The following DLG5 variants were observed in gnomAD, a reference collection of about 807,000 sequenced individuals.
The protein encoded by DLG5 is discs large MAGUK scaffold protein 5.
In DLG5, 48 loss-of-function variants were observed where a neutral mutation model predicts 189.8. The observed-to-expected ratio is 0.25, with a 90% CI of 0.20 to 0.32. The LOEUF (loss-of-function observed/expected upper bound fraction) is 0.32, where lower values mean the gene tolerates loss of function less well. Among genes scored for constraint, DLG5 ranks in the 10% least tolerant of loss-of-function variants. The pLI is 1.00. For missense variants in DLG5, 2,160 were observed against 2,544.7 expected (o/e 0.85, Z 3.25); for synonymous variants, 1,016 against 1,054.1 (o/e 0.96, Z 0.70).
chr10:77,840,303 C>G (rs1843356856), intron 7 of DLG5, among the ~76,000 whole-genome samples: 1 of 152,016 alleles, frequency 6.6e-6, no homozygotes, highest in South Asian at 2.1e-4. Flanking sequence ...CACTTGAGCC[C>G]AAGAGGTCGA....
At chr10:77,851,602 G>A (rs755292669) in intron 5 of DLG5, among the ~76,000 whole-genome samples, 7 of 152,112 alleles carry the variant, frequency 4.6e-5, no homozygotes, top group Admixed American at 3.9e-4. Flanking sequence ...GACCTCACAC[G>A]ACCAATTCCC....
At position 77,833,799 on chromosome 10, in the gene DLG5, G is replaced by A. The variant is rs553904152; in HGVS notation, c.1748+115C>T. 32 of 1,453,178 alleles carry A rather than the reference G, an allele frequency of 2.2e-5. 1 individual carries two copies. The Middle Eastern group carries it at 7.6e-4, about 34-fold the overall frequency. 90.0% of individuals were successfully genotyped at this position (1,453,178 alleles called of 1,614,324 possible). On this transcript the variant is annotated intron_variant, in intron 9 of 31. Coordinates refer to ENST00000372391, the MANE Select transcript of DLG5 (RefSeq NM_004747.4). ...AAGTGAAGGGACAAACAGCCAGCTC[G>A]ACGCAGAAGGATGAGGCCCTGGCCA...
chr10:77,890,954 G>C (rs1251660679), intron 1 of DLG5, among the ~76,000 whole-genome samples: 1 of 152,110 alleles, frequency 6.6e-6, no homozygotes, highest in Non-Finnish European at 1.5e-5. Flanking sequence ...CCACACTTCT[G>C]GCCAGACTAT....
intron 1 of DLG5, among the ~76,000 whole-genome samples, chr10:77,902,432 A>G (rs1845952441): frequency 6.6e-6 from 1 of 152,240 alleles, no homozygotes; most frequent in Non-Finnish European, 1.5e-5. Context: ...ATAAAGAAGC[A>G]TACAAAGATC....
intron 1 of DLG5, among the ~76,000 whole-genome samples, chr10:77,872,597 G>A (rs1844944216): frequency 6.6e-6 from 1 of 152,092 alleles, no homozygotes; most frequent in African/African-American, 2.4e-5. Context: ...TCATTAAGGG[G>A]GAAAAAAGGC....
chr10:77,857,704 C>A (rs1844302705), intron 2 of DLG5, among the ~76,000 whole-genome samples: 1 of 152,228 alleles, frequency 6.6e-6, no homozygotes, highest in Non-Finnish European at 1.5e-5. Context: ...AGGAAGAAAG[C>A]ACCTCATCCC....
chr10:77,819,129 T>C (rs933430800), intron 17 of DLG5, among the ~76,000 whole-genome samples, 192 bp downstream of exon 17: 2 of 152,188 alleles, frequency 1.3e-5, no homozygotes, highest in Non-Finnish European at 2.9e-5. Flanking sequence ...TTCCAGTACC[T>C]TTTGAAACCT....
intron 27 of DLG5, among the ~76,000 whole-genome samples, chr10:77,799,322 G>C (rs1841084844): frequency 6.6e-6 from 1 of 152,210 alleles, no homozygotes; most frequent in South Asian, 2.1e-4. Context: ...CTAAGCCCCA[G>C]TGTGACTACC....
chr10:77,846,974 G>T (rs1360600223), intron 5 of DLG5, among the ~76,000 whole-genome samples: 1 of 152,124 alleles, frequency 6.6e-6, no homozygotes, highest in East Asian at 1.9e-4. Context: ...CTCCACAAGT[G>T]CTCGGCAGAA....
intron 3 of DLG5, among the ~76,000 whole-genome samples, chr10:77,855,735 C>T (rs1331562515): frequency 1.3e-5 from 2 of 152,222 alleles, no homozygotes; most frequent in Non-Finnish European, 2.9e-5. Flanking sequence ...GGCTCTGCAG[C>T]TCTGGCATAA....
intron 2 of DLG5, chr10:77,866,936 C>T (rs569650548): frequency 2.7e-4 from 121 of 456,264 alleles, no homozygotes; most frequent in Admixed American, 1.0e-3. Context: ...AGAGGCTTTG[C>T]CCAGAAGGGA....
intron 13 of DLG5, among the ~76,000 whole-genome samples, chr10:77,826,610 C>T (rs1842651551): frequency 6.6e-6 from 1 of 152,032 alleles, no homozygotes; most frequent in South Asian, 2.1e-4. Flanking sequence ...GCCTGGGCAA[C>T]AGAGTGAGGC....
chr10:77,917,049 T>C (rs1244491899), intron 1 of DLG5, among the ~76,000 whole-genome samples: 1 of 151,830 alleles, frequency 6.6e-6, no homozygotes, highest in Non-Finnish European at 1.5e-5. Flanking sequence ...ACTTCACTTA[T>C]AAAAGATACC....
intron 14 of DLG5, among the ~76,000 whole-genome samples, chr10:77,823,926 T>C (rs1842491477): frequency 6.6e-6 from 1 of 152,130 alleles, no homozygotes; most frequent in African/African-American, 2.4e-5. Flanking sequence ...AGGCTTTTTG[T>C]ATTTTCTGTA....
At chr10:77,897,718 AG>A (rs1845805776) in intron 1 of DLG5, among the ~76,000 whole-genome samples, 1 of 150,618 alleles carries the variant, frequency 6.6e-6, no homozygotes, top group African/African-American at 2.4e-5. Flanking sequence ...AGAAGGGGAA[AG>A]GGGGAGATAG....
At position 77,814,461 on chromosome 10, in the gene DLG5, T is replaced by TTATATATA. The variant is rs59297524; in HGVS notation, c.4025+2082_4026-2085dup. On this transcript the variant is annotated intron_variant, in intron 20 of 31. Coordinates refer to ENST00000372391, the MANE Select transcript of DLG5 (RefSeq NM_004747.4). ...TATGTACATAAATAATAAAGCATGT[T>TTATATATA]TATATATATATATATATATATATAT... Among the ~76,000 whole-genome samples, 220 of 70,722 alleles carry TTATATATA rather than the reference T, an allele frequency of 3.1e-3. 7 individuals carry two copies. The highest frequency in any genetic ancestry group is 4.7e-3 in the Non-Finnish European group (152 of 32,302). The allele number at this position is 70,722 out of a possible 152,430, so 46.4% of individuals were successfully genotyped here.
At chr10:77,940,634 A>G in the DLG5 span, among the ~76,000 whole-genome samples, 4 of 151,912 alleles carry the variant, frequency 2.6e-5, no homozygotes, top group Non-Finnish European at 5.9e-5. Flanking sequence ...TTTTCAGGGG[A>G]GGACCCTGAA....
At chr10:77,806,125 G>A (rs2154575106) in intron 26 of DLG5, 2 of 451,138 alleles carry the variant, frequency 4.4e-6, no homozygotes, top group Non-Finnish European at 7.8e-6. Flanking sequence ...GTGTCAAAAG[G>A]AACTGCTAGG....
At chr10:77,933,348 G>A in the DLG5 span, among the ~76,000 whole-genome samples, 8 of 151,728 alleles carry the variant, frequency 5.3e-5, no homozygotes, top group African/African-American at 1.5e-4. Flanking sequence ...GTGCAATGGC[G>A]TGATCTCAGC....
Sources: gnomAD v4.1 joint callset for allele counts (sites outside exome capture counted in the v4.1 genomes callset) on GRCh38, gnomAD v4.1.1 for gene constraint, MANE v1.5 for transcripts, NCBI Gene and HGNC (gene_info 2026-07-23, HGNC 2026-07-21) for gene names.